CDYL: variants seen among roughly 807,000 people sequenced by gnomAD.
CDYL encodes the protein chromodomain Y-like protein.
A neutral mutation model predicts 47.3 loss-of-function variants in CDYL; 8 were observed. The observed-to-expected ratio is 0.17, with a 90% CI of 0.10 to 0.31. CDYL has a LOEUF of 0.31. Among genes scored for constraint, CDYL ranks in the 10% least tolerant of loss-of-function variants. The pLI is 1.00. For synonymous variants in CDYL, 266 were observed against 265.0 expected (o/e 1.00, Z -0.04); for missense variants, 471 against 701.4 (o/e 0.67, Z 3.71).
intron 1 of CDYL, among the ~76,000 whole-genome samples, chr6:4,799,515 G>A (rs1313325009): frequency 1.3e-5 from 2 of 152,006 alleles, no homozygotes; most frequent in Middle Eastern, 3.4e-3. Flanking sequence ...GCGTGATCAT[G>A]GCTCAGCATA....
rs145873895 is a variant in CDYL at position 4,716,772 on chromosome 6, T to C, written c.103+891T>C. Among the ~76,000 whole-genome samples the C allele has an allele frequency of 1.8e-4, 28 of 152,142 alleles. No individual in the cohort carries two copies. In the East Asian group the frequency reaches 4.8e-3, roughly 26 times the overall value. ...TTCATTCTTTCATTTATTTACCGTA[T>C]ACGGTGTTGGGTGCACAAAAAGCAT... On this transcript the variant is annotated intron_variant, in intron 2 of 8. Coordinates refer to the CDYL transcript ENST00000328908.
At chr6:4,784,968 A>G (rs1452504555) in intron 1 of CDYL, among the ~76,000 whole-genome samples, 1 of 152,138 alleles carries the variant, frequency 6.6e-6, no homozygotes, top group Non-Finnish European at 1.5e-5. Context: ...ACCTTCCTCC[A>G]TGATTGTGAG....
At chr6:4,886,894 C>T (rs1282523555) in intron 1 of CDYL, among the ~76,000 whole-genome samples, 3 of 151,980 alleles carry the variant, frequency 2.0e-5, no homozygotes, top group Non-Finnish European at 4.4e-5. Flanking sequence ...TGTAAAGGTC[C>T]AACTTGCCTC....
Position 4,892,398 on chromosome 6 carries a change from G to C in CDYL, c.691+19G>C. 1 of 1,580,386 alleles carries C rather than the reference G, an allele frequency of 6.3e-7. No individual in the cohort carries two copies. Among genetic ancestry groups the C allele is most frequent in the Non-Finnish European group, 8.6e-7 (1 of 1,162,602 alleles). ...GGGAAAGGTGAGTGTCTAGGGAGCT[G>C]CTCAGGCTCCGTGGTGATCCCAGAG... is the stretch of plus-strand genomic sequence containing the variant. On this transcript the variant is annotated intron_variant, in intron 2 of 6. Transcript: ENST00000397588.
intron 2 of CDYL, among the ~76,000 whole-genome samples, chr6:4,900,102 C>G (rs1756975209): frequency 6.6e-6 from 1 of 152,142 alleles, no homozygotes; most frequent in African/African-American, 2.4e-5. Flanking sequence ...GTTACCTCCC[C>G]CTCTGAATAC....
chr6:4,730,451 C>A (rs541517793), intron 2 of CDYL, among the ~76,000 whole-genome samples: 13 of 152,032 alleles, frequency 8.6e-5, no homozygotes, highest in African/African-American at 2.9e-4. Context: ...CTGAGGCGAG[C>A]AGATCACAAG....
chr6:4,812,779 C>T (rs1279172150), intron 1 of CDYL, among the ~76,000 whole-genome samples: 1 of 151,734 alleles, frequency 6.6e-6, no homozygotes, highest in Non-Finnish European at 1.5e-5. Flanking sequence ...GGGTTGGAGA[C>T]TAGGTATGTG....
chr6:4,743,934 G>A (rs1757841447), intron 3 of CDYL, among the ~76,000 whole-genome samples: 1 of 152,226 alleles, frequency 6.6e-6, no homozygotes, highest in African/African-American at 2.4e-5. Flanking sequence ...CTACAGGTGA[G>A]TGTGATAACA....
chr6:4,828,140 T>A (rs1374249704), intron 1 of CDYL, among the ~76,000 whole-genome samples: 1 of 152,176 alleles, frequency 6.6e-6, no homozygotes, highest in Non-Finnish European at 1.5e-5. Context: ...AGTCTAGTGG[T>A]GATGAACTTC....
chr6:4,857,063 C>T (rs904993366), intron 1 of CDYL, among the ~76,000 whole-genome samples: 3 of 152,122 alleles, frequency 2.0e-5, no homozygotes, highest in Admixed American at 6.5e-5. Context: ...AGTGGTCATG[C>T]GTGGTTCAGT....
At chr6:4,934,798 G>A (rs1333973842) in intron 2 of CDYL, among the ~76,000 whole-genome samples, 1 of 152,150 alleles carries the variant, frequency 6.6e-6, no homozygotes, top group Non-Finnish European at 1.5e-5. Flanking sequence ...CCCATCTCAA[G>A]ACCCTGGCAA....
intron 2 of CDYL, among the ~76,000 whole-genome samples, chr6:4,930,460 C>T (rs1561714988): frequency 1.3e-5 from 2 of 152,234 alleles, no homozygotes; most frequent in Non-Finnish European, 2.9e-5. Context: ...TGCACTGTGG[C>T]AGCTGCTTTC....
chr6:4,939,736 G>T (rs1294675793), intron 4 of CDYL, among the ~76,000 whole-genome samples: 1 of 152,124 alleles, frequency 6.6e-6, no homozygotes, highest in Non-Finnish European at 1.5e-5. Context: ...CTCTAAGACA[G>T]CTTCATTATT....
At chr6:4,886,054 A>C (rs1005823825) in intron 1 of CDYL, among the ~76,000 whole-genome samples, 1 of 152,160 alleles carries the variant, frequency 6.6e-6, no homozygotes, top group African/African-American at 2.4e-5. Context: ...AAGTCCATCC[A>C]TGTTGTAGCT....
At chr6:4,880,176 T>C (rs993582313) in intron 1 of CDYL, among the ~76,000 whole-genome samples, 2 of 152,168 alleles carry the variant, frequency 1.3e-5, no homozygotes, top group Non-Finnish European at 2.9e-5. Flanking sequence ...TCCTTTGTGC[T>C]CTGCCTTTAT....
chr6:4,891,291 G>A (rs981265632), intron 1 of CDYL, among the ~76,000 whole-genome samples: 4 of 152,252 alleles, frequency 2.6e-5, no homozygotes, highest in Admixed American at 6.5e-5. Flanking sequence ...GGTTCTCAGC[G>A]CCTTGTAGCT....
chr6:4,949,306 C>T (rs1343896882), intron 5 of CDYL, among the ~76,000 whole-genome samples: 1 of 152,198 alleles, frequency 6.6e-6, no homozygotes, highest in African/African-American at 2.4e-5. Flanking sequence ...GGGCCTTACC[C>T]CACGCTCACA....
At chr6:4,880,778 C>T (rs1761742754) in intron 1 of CDYL, among the ~76,000 whole-genome samples, 1 of 152,206 alleles carries the variant, frequency 6.6e-6, no homozygotes, top group Admixed American at 6.5e-5. Context: ...TCCCTAGTGA[C>T]ATATTCTGTG....
chr6:4,891,990 T>C lies in CDYL; in HGVS notation c.302T>C (p.Ile101Thr), dbSNP rs1762057536. The change falls in exon 2 of 7, where the codon ATT (isoleucine) becomes ACT (threonine). Residue 101 changes from isoleucine to threonine, a missense_variant. By Grantham distance (89) the Ile-to-Thr change is moderately conservative (BLOSUM62 -1). Transcript: ENST00000397588. ...FSKTSPKALVIGKDHESKNSQ... is the reference protein window; with the variant it reads ...FSKTSPKALVTGKDHESKNSQ... ...AAGACCTCTCCTAAGGCACTCGTGATTGGGAAAGACCACGAATCCAAAAAC... is the reference window on the plus strand; with the variant it reads ...AAGACCTCTCCTAAGGCACTCGTGACTGGGAAAGACCACGAATCCAAAAAC... The C allele has an allele frequency of 6.2e-7, 1 of 1,614,176 alleles. No individual in the cohort carries two copies. Among genetic ancestry groups the C allele is most frequent in the Non-Finnish European group, 8.5e-7 (1 of 1,180,040 alleles).
Sources: gnomAD v4.1 joint callset for allele counts (sites outside exome capture counted in the v4.1 genomes callset) on GRCh38, gnomAD v4.1.1 for gene constraint, MANE v1.5 for transcripts, NCBI Gene and HGNC (gene_info 2026-07-23, HGNC 2026-07-21) for gene names.